Variants in SOX5 observed in about 807,000 individuals in gnomAD.
SOX5 encodes transcription factor SOX-5.
SOX5 carries 9 observed loss-of-function variants against 92.0 expected under a neutral mutation model. The ratio of observed to expected loss-of-function variants is 0.10; its 90% CI spans 0.06 to 0.17. The LOEUF (loss-of-function observed/expected upper bound fraction) is 0.17, where lower values mean the gene tolerates loss of function less well. Ranked by LOEUF, SOX5 falls within the 10% of genes least tolerant of loss-of-function variation. SOX5 has a pLI of 1.00. For synonymous variants in SOX5, 344 were observed against 336.3 expected (o/e 1.02, Z -0.25); for missense variants, 642 against 944.5 (o/e 0.68, Z 4.20).
chr12:23,808,828 C>A (rs1468868490), intron 3 of SOX5, among the ~76,000 whole-genome samples: 1 of 152,110 alleles, frequency 6.6e-6, no homozygotes, highest in African/African-American at 2.4e-5. Context: ...TATTCTAGCA[C>A]ATATGTGTGA....
chr12:24,163,026 C>T (rs1952948819), intron 4 of SOX5, among the ~76,000 whole-genome samples: 1 of 152,074 alleles, frequency 6.6e-6, no homozygotes, highest in African/African-American at 2.4e-5. Flanking sequence ...TGAGCCTCTT[C>T]CTAACGAGGC....
At chr12:23,868,946 G>A (rs2096844228) in intron 2 of SOX5, among the ~76,000 whole-genome samples, 1 of 151,956 alleles carries the variant, frequency 6.6e-6, no homozygotes, top group Admixed American at 6.6e-5. Context: ...AGCATTCAAG[G>A]CCCCCCAGAA....
At position 24,384,705 on chromosome 12, in the gene SOX5, C is replaced by T. The variant is rs115784214; in HGVS notation, c.-250-16066G>A. ...GTGCATGATAGGTGCCTAGTTAAGACGAAAAAGGCTATGAACTTTGTGGGT... is the reference window on the plus strand; with the variant it reads ...GTGCATGATAGGTGCCTAGTTAAGATGAAAAAGGCTATGAACTTTGTGGGT... On this transcript the variant is annotated intron_variant, in intron 1 of 4. Transcript: ENST00000446891. Among the ~76,000 whole-genome samples, 942 of 152,166 alleles carry T rather than the reference C, an allele frequency of 6.2e-3. 7 individuals carry two copies. The highest frequency in any genetic ancestry group is 0.021 in the African/African-American group (888 of 41,502).
chr12:23,908,111 T>G (rs2097312644), intron 1 of SOX5, among the ~76,000 whole-genome samples: 1 of 152,152 alleles, frequency 6.6e-6, no homozygotes, highest in Non-Finnish European at 1.5e-5. Context: ...CGTCTTGAAA[T>G]AAAATCTGTG....
intron 4 of SOX5, among the ~76,000 whole-genome samples, chr12:24,076,275 G>T (rs1942580314): frequency 6.6e-6 from 1 of 152,004 alleles, no homozygotes; most frequent in East Asian, 1.9e-4. Flanking sequence ...CAAAACCCAG[G>T]CATGGGTTTG....
chr12:23,857,429 C>T (rs896820785), intron 2 of SOX5, among the ~76,000 whole-genome samples: 3 of 152,178 alleles, frequency 2.0e-5, no homozygotes, highest in Admixed American at 6.5e-5. Context: ...TAGATTGTAG[C>T]AGTGGGAGTT....
intron 4 of SOX5, among the ~76,000 whole-genome samples, chr12:24,077,657 TAA>T (rs1443087190): frequency 6.6e-6 from 1 of 151,396 alleles, no homozygotes; most frequent in Non-Finnish European, 1.5e-5. Flanking sequence ...AAATAATTAA[TAA>T]AACATCAAAG....
At chr12:23,657,698 C>T (rs1026632465) in intron 7 of SOX5, among the ~76,000 whole-genome samples, 4 of 152,148 alleles carry the variant, frequency 2.6e-5, no homozygotes, top group African/African-American at 9.7e-5. Flanking sequence ...AAAATAAAAA[C>T]TTAGAAGTCT....
At chr12:23,862,275 A>T (rs1665879282) in intron 2 of SOX5, among the ~76,000 whole-genome samples, 1 of 152,112 alleles carries the variant, frequency 6.6e-6, no homozygotes, top group Admixed American at 6.5e-5. Flanking sequence ...AAAATTTAAC[A>T]TCTCTTCCTT....
Position 24,393,372 on chromosome 12 carries a change from A to C in SOX5, c.-250-24733T>G, listed in dbSNP as rs1275317451. ...TGGGTTGTGGTCTTGCCATTGGGACACAATTACAGGCCAATCAGGGTCGGA... is the reference window on the plus strand; with the variant it reads ...TGGGTTGTGGTCTTGCCATTGGGACCCAATTACAGGCCAATCAGGGTCGGA... On this transcript the variant is annotated intron_variant, in intron 1 of 4. Transcript: ENST00000446891. This position sits in a 1 kb window ranked among gnomAD's most constrained non-coding sequence, Gnocchi z 5.0. 6.6e-6 allele frequency among the ~76,000 whole-genome samples: 1 copy of C among 152,210 alleles called. No individual in the cohort carries two copies. Among genetic ancestry groups the C allele is most frequent in the Non-Finnish European group, 1.5e-5 (1 of 68,034 alleles).
At chr12:24,100,096 C>A (rs776523334) in intron 4 of SOX5, among the ~76,000 whole-genome samples, 50 of 152,090 alleles carry the variant, frequency 3.3e-4, no homozygotes, top group Admixed American at 3.9e-4. Context: ...TAGTTCAGTT[C>A]TTTCTCCCCT....
chr12:23,816,916 T>C (rs1406922530), intron 3 of SOX5, among the ~76,000 whole-genome samples: 4 of 152,316 alleles, frequency 2.6e-5, no homozygotes, highest in Admixed American at 2.0e-4. Context: ...TAAACAGTTC[T>C]ACTCTCATAT....
chr12:23,805,272 C>A (rs1285033598), intron 3 of SOX5, among the ~76,000 whole-genome samples: 2 of 151,382 alleles, frequency 1.3e-5, no homozygotes, highest in African/African-American at 4.8e-5. Flanking sequence ...ATTTATTTAG[C>A]CCATTTAGAC....
chr12:23,789,674 G>T (rs1443629129), intron 3 of SOX5, among the ~76,000 whole-genome samples: 1 of 152,014 alleles, frequency 6.6e-6, no homozygotes, highest in Non-Finnish European at 1.5e-5. Flanking sequence ...ATCTAGGAAA[G>T]AAAATCATAT....
At chr12:24,415,385 G>A (rs1246602291) in intron 1 of SOX5, among the ~76,000 whole-genome samples, 1 of 152,040 alleles carries the variant, frequency 6.6e-6, no homozygotes, top group African/African-American at 2.4e-5. Flanking sequence ...TGAGATAATT[G>A]ACATCTAGTT....
intron 6 of SOX5, among the ~76,000 whole-genome samples, chr12:23,704,351 A>G (rs547872863): frequency 6.6e-6 from 1 of 152,062 alleles, no homozygotes; most frequent in East Asian, 1.9e-4. Flanking sequence ...AATCACCATT[A>G]TAAAGTGCAA....
intron 3 of SOX5, among the ~76,000 whole-genome samples, chr12:24,270,092 C>T (rs577197803): frequency 4.0e-5 from 6 of 151,320 alleles, no homozygotes; most frequent in Non-Finnish European, 8.8e-5. Context: ...GACAGAGTCT[C>T]ACTTTGTCGT....
chr12:23,850,673 T>C (rs1267949054), intron 2 of SOX5, among the ~76,000 whole-genome samples: 2 of 152,010 alleles, frequency 1.3e-5, no homozygotes, highest in South Asian at 2.1e-4. Flanking sequence ...AGAAAAAATA[T>C]AATTATTGTC....
intron 6 of SOX5, among the ~76,000 whole-genome samples, chr12:23,713,706 AAT>A (rs371698007): frequency 0.015 from 2,186 of 146,974 alleles, 68 homozygotes; most frequent in African/African-American, 0.05. Flanking sequence ...AATATATATA[AAT>A]ATATATATAT....
Sources: gnomAD v4.1 joint callset for allele counts (sites outside exome capture counted in the v4.1 genomes callset) on GRCh38, gnomAD v4.1.1 for gene constraint, Gnocchi (gnomAD v3.1) non-coding constraint, MANE v1.5 for transcripts, NCBI Gene and HGNC (gene_info 2026-07-23, HGNC 2026-07-21) for gene names.